Variants in GRIN2B observed in about 807,000 individuals in gnomAD.
GRIN2B encodes the protein glutamate receptor ionotropic, NMDA 2B.
In GRIN2B, 5 loss-of-function variants were observed where a neutral mutation model predicts 114.5. The ratio of observed to expected loss-of-function variants is 0.04; its 90% CI spans 0.02 to 0.09. The LOEUF is 0.09. Among genes scored for constraint, GRIN2B ranks in the 10% least tolerant of loss-of-function variants. GRIN2B has a pLI of 1.00. For synonymous variants in GRIN2B, 787 were observed against 745.1 expected (o/e 1.06, Z -0.92); for missense variants, 1,108 against 1,943.5 (o/e 0.57, Z 8.08).
rs1565473655 is a variant in GRIN2B at position 13,607,343 on chromosome 12, AAT to A, written c.2010+1258_2010+1259del. Among the ~76,000 whole-genome samples, 25 of 42,652 alleles carry A rather than the reference AAT, an allele frequency of 5.9e-4. 1 individual carries two copies. The highest frequency in any genetic ancestry group is 4.4e-3 in the East Asian group (9 of 2,064). The allele number at this position is 42,652 out of a possible 152,430, so 28.0% of individuals were successfully genotyped here. A position where few individuals can be genotyped will look rare whatever the true frequency, so the allele number is the denominator to read the frequency against. On this transcript the variant is annotated intron_variant, in intron 10 of 13. Transcript: ENST00000609686. ...AAAATATATAATATATATTATATAT[AAT>A]ATATAAAATATATAATATATATTAT...
At position 13,753,388 on chromosome 12, in the gene GRIN2B, G is replaced by A. The variant is rs267603393; in HGVS notation, c.939C>T (p.Phe313=). ...AASDMLSEHS[F]IPEPKSSCYN... ...AACAACTGCTTTTGGGCTCAGGGAT[G>A]AAGCTGTGCTCAGACAGCATGTCAG... The change falls in exon 4 of 14, where the codon TTC becomes TTT. Residue 313 remains phenylalanine, a synonymous_variant. Coordinates refer to ENST00000609686, the MANE Select transcript of GRIN2B (RefSeq NM_000834.5). This position sits in a 1 kb window ranked among gnomAD's most constrained non-coding sequence, Gnocchi z 6.2. 6.2e-7 allele frequency: 1 copy of A among 1,614,038 alleles called. No individual in the cohort carries two copies. Among genetic ancestry groups the A allele is most frequent in the East Asian group, 2.2e-5 (1 of 44,886 alleles).
chr12:13,670,528 A>C (rs1950014136), intron 5 of GRIN2B, among the ~76,000 whole-genome samples: 1 of 152,158 alleles, frequency 6.6e-6, no homozygotes, highest in Non-Finnish European at 1.5e-5. Flanking sequence ...GGAACGATTA[A>C]ATGGAAGCAG....
chr12:13,812,647 T>A (rs1463063012), intron 3 of GRIN2B, among the ~76,000 whole-genome samples: 2 of 152,172 alleles, frequency 1.3e-5, no homozygotes, highest in Admixed American at 1.3e-4. Context: ...CTATTAAGTC[T>A]GAGGAAGCTG....
At chr12:13,642,141 T>C (rs1949723270) in intron 5 of GRIN2B, among the ~76,000 whole-genome samples, 1 of 152,008 alleles carries the variant, frequency 6.6e-6, no homozygotes, top group Admixed American at 6.6e-5. Context: ...TGAGCCGAGA[T>C]CACGCCACTG....
intron 10 of GRIN2B, among the ~76,000 whole-genome samples, chr12:13,578,947 C>A (rs1948810658): frequency 6.6e-6 from 1 of 151,992 alleles, no homozygotes; most frequent in South Asian, 2.1e-4. Context: ...CATGGGGGAA[C>A]AAGCTTGGTG....
rs970408132 is a variant in GRIN2B, at chr12:13,557,827, C to T, written c.*4956G>A. On this transcript the variant is annotated 3_prime_UTR_variant, in exon 14 of 14. Transcript: ENST00000609686. ...TATTCCCAGGAAAAGGAGTGAGATTCCTAATGTAAATTAGGTGATTAAATG... is the reference window on the plus strand; with the variant it reads ...TATTCCCAGGAAAAGGAGTGAGATTTCTAATGTAAATTAGGTGATTAAATG... 1 of 152,172 alleles carries T rather than the reference C, an allele frequency of 6.6e-6. No individual in the cohort carries two copies. Among genetic ancestry groups the T allele is most frequent in the African/African-American group, 2.4e-5 (1 of 41,434 alleles). The allele number at this position is 152,172 out of a possible 1,614,324, so 9.4% of individuals were successfully genotyped here.
intron 5 of GRIN2B, among the ~76,000 whole-genome samples, chr12:13,624,467 A>T (rs932083480): frequency 6.6e-6 from 1 of 152,248 alleles, no homozygotes; most frequent in Non-Finnish European, 1.5e-5. Context: ...GCAATGGCAC[A>T]ATCTGCTGCA....
At chr12:13,692,820 G>A (rs1476960637) in intron 4 of GRIN2B, among the ~76,000 whole-genome samples, 1 of 116,336 alleles carries the variant, frequency 8.6e-6, no homozygotes, top group African/African-American at 3.4e-5. Context: ...CCAGGCTGGA[G>A]TGCAATGGTG....
chr12:13,891,546 T>C (rs1432002526), intron 2 of GRIN2B, among the ~76,000 whole-genome samples: 4 of 152,216 alleles, frequency 2.6e-5, no homozygotes, highest in Admixed American at 2.0e-4. Context: ...GTTAAGACTG[T>C]CAGCAGTCTG....
chr12:13,755,000 C>T (rs1259120989), intron 3 of GRIN2B, among the ~76,000 whole-genome samples: 1 of 152,168 alleles, frequency 6.6e-6, no homozygotes, highest in Non-Finnish European at 1.5e-5. Context: ...GTCTTGTCCT[C>T]CTATTTCCCC....
chr12:13,751,847 C>A (rs970219756), intron 4 of GRIN2B, among the ~76,000 whole-genome samples: 1 of 151,962 alleles, frequency 6.6e-6, no homozygotes, highest in Non-Finnish European at 1.5e-5. Flanking sequence ...GGTCTAGAAC[C>A]CCAAGAAGTG....
chr12:13,636,572 A>T (rs1238598871), intron 5 of GRIN2B, among the ~76,000 whole-genome samples: 1 of 152,132 alleles, frequency 6.6e-6, no homozygotes, highest in African/African-American at 2.4e-5. Context: ...TATGTTTGAC[A>T]GGTGGAGATA....
chr12:13,679,272 C>G (rs554340982), intron 4 of GRIN2B, among the ~76,000 whole-genome samples: 3 of 152,182 alleles, frequency 2.0e-5, no homozygotes, highest in Non-Finnish European at 4.4e-5. Context: ...AATTAATAAG[C>G]AACATCAATG....
At chr12:13,623,966 C>T (rs902621518) in intron 5 of GRIN2B, among the ~76,000 whole-genome samples, 1 of 152,154 alleles carries the variant, frequency 6.6e-6, no homozygotes, top group Non-Finnish European at 1.5e-5. Flanking sequence ...ACATGACCTT[C>T]CCCTGCCTGC....
intron 10 of GRIN2B, among the ~76,000 whole-genome samples, chr12:13,608,239 C>T (rs560285536): frequency 4.4e-4 from 67 of 152,320 alleles, no homozygotes; most frequent in African/African-American, 1.6e-3. Flanking sequence ...GCGCCCATCT[C>T]CTCGGTGTGG....
rs1004196270 is a variant in GRIN2B at position 13,564,652 on chromosome 12, TGGAG to T, written c.2599-17_2599-14del. The T allele has an allele frequency of 6.2e-7, 1 of 1,612,474 alleles. No individual in the cohort carries two copies. The highest frequency in any genetic ancestry group is 1.3e-5 in the African/African-American group (1 of 74,886). On this transcript the variant is annotated splice_polypyrimidine_tract_variant and intron_variant, in intron 13 of 13. Transcript: ENST00000609686. This position sits in a 1 kb window ranked among gnomAD's most constrained non-coding sequence, Gnocchi z 4.8. ...AGCTGTAGATACCCTGAAGCAAGAA[TGGAG>T]GGACAGGTTAGATCTCCAGAGAGGC...
chr12:13,899,190 T>C (rs1000632157), intron 2 of GRIN2B, among the ~76,000 whole-genome samples: 3 of 152,072 alleles, frequency 2.0e-5, no homozygotes, highest in Non-Finnish European at 4.4e-5. Context: ...ATTAATTAAA[T>C]TAACATAGGA....
chr12:13,669,045 T>C (rs1368869711), intron 5 of GRIN2B, among the ~76,000 whole-genome samples: 1 of 150,320 alleles, frequency 6.7e-6, no homozygotes, highest in Non-Finnish European at 1.5e-5. Flanking sequence ...ATAGGGAGGA[T>C]AAGCCATTTA....
intron 2 of GRIN2B, among the ~76,000 whole-genome samples, chr12:13,867,699 AAC>A: frequency 6.6e-6 from 1 of 152,310 alleles, no homozygotes; most frequent in Admixed American, 6.5e-5. Context: ...ACAGAAGCTC[AAC>A]ACAGTTATGT....
Sources: allele counts gnomAD v4.1 joint callset (sites outside exome capture counted in the v4.1 genomes callset), GRCh38; gene constraint gnomAD v4.1.1; non-coding constraint Gnocchi (gnomAD v3.1); transcripts MANE v1.5; gene names NCBI Gene and HGNC (gene_info 2026-07-23, HGNC 2026-07-21).